MAGI2: variants seen among roughly 807,000 people sequenced by gnomAD.
The protein encoded by MAGI2 is membrane associated guanylate kinase, WW and PDZ domain containing 2.
Under a neutral mutation model 133.3 loss-of-function variants are expected in MAGI2, and 35 were observed. The observed-to-expected ratio is 0.26, with a 90% CI of 0.20 to 0.35. The LOEUF (loss-of-function observed/expected upper bound fraction) is 0.35. Among genes scored for constraint, MAGI2 ranks in the 10% least tolerant of loss-of-function variants. The pLI is 1.00. For synonymous variants in MAGI2, 729 were observed against 710.6 expected (o/e 1.03, Z -0.41); for missense variants, 1,636 against 1,863.4 (o/e 0.88, Z 2.25).
chr7:78,855,715 A>T (rs536084592), intron 2 of MAGI2, among the ~76,000 whole-genome samples: 9 of 152,312 alleles, frequency 5.9e-5, no homozygotes, highest in Non-Finnish European at 8.8e-5. Context: ...CAATAAACAT[A>T]CATGTGCATG....
chr7:79,282,965 C>G (rs1414781352), intron 1 of MAGI2, among the ~76,000 whole-genome samples: 1 of 152,084 alleles, frequency 6.6e-6, no homozygotes, highest in Non-Finnish European at 1.5e-5. Context: ...TAGGTTACTG[C>G]ACTCTAAGAG....
intron 2 of MAGI2, among the ~76,000 whole-genome samples, chr7:78,650,907 A>T (rs992450303): frequency 1.3e-5 from 2 of 152,176 alleles, no homozygotes. Context: ...ATCCGAACAG[A>T]TAGTGTCACC....
At chr7:79,337,971 G>T (rs993937462) in intron 1 of MAGI2, among the ~76,000 whole-genome samples, 27 of 152,150 alleles carry the variant, frequency 1.8e-4, no homozygotes, top group African/African-American at 6.3e-4. Context: ...CCTATTTTTA[G>T]GACAAGTGAT....
chr7:79,220,896 A>T (rs2129553436), intron 1 of MAGI2, among the ~76,000 whole-genome samples: 1 of 152,128 alleles, frequency 6.6e-6, no homozygotes, highest in Middle Eastern at 3.4e-3. Flanking sequence ...AAAAAGACTC[A>T]CCTGAAGAGA....
intron 2 of MAGI2, among the ~76,000 whole-genome samples, chr7:78,847,036 T>G (rs766055410): frequency 2.6e-5 from 4 of 151,990 alleles, no homozygotes; most frequent in Non-Finnish European, 5.9e-5. Flanking sequence ...TTCTGCTATT[T>G]ATAATTGACA....
intron 2 of MAGI2, among the ~76,000 whole-genome samples, chr7:78,660,814 C>T (rs1022463359): frequency 6.6e-6 from 1 of 152,156 alleles, no homozygotes; most frequent in Non-Finnish European, 1.5e-5. Flanking sequence ...TATATGTAGA[C>T]ATATTTTAAA....
At chr7:78,577,094 A>G (rs1802345053) in intron 3 of MAGI2, among the ~76,000 whole-genome samples, 1 of 152,188 alleles carries the variant, frequency 6.6e-6, no homozygotes, top group Non-Finnish European at 1.5e-5. Context: ...CGTGCTTTCT[A>G]CATAATAGAT....
At chr7:78,222,646 C>A (rs757832826) in intron 10 of MAGI2, among the ~76,000 whole-genome samples, 1 of 152,098 alleles carries the variant, frequency 6.6e-6, no homozygotes, top group Non-Finnish European at 1.5e-5. Flanking sequence ...TTGAAAATGG[C>A]CAAGTGTGAA....
intron 13 of MAGI2, among the ~76,000 whole-genome samples, chr7:78,182,950 C>T (rs919386482): frequency 1.3e-5 from 2 of 152,186 alleles, no homozygotes; most frequent in African/African-American, 2.4e-5. Context: ...TATGCACAGT[C>T]TGTAGGAGTT....
At chr7:79,269,526 C>T (rs908245359) in intron 1 of MAGI2, among the ~76,000 whole-genome samples, 2 of 152,134 alleles carry the variant, frequency 1.3e-5, no homozygotes, top group African/African-American at 2.4e-5. Flanking sequence ...ATACTTCAGG[C>T]TTATCACCTT....
At chr7:78,804,884 A>G (rs1401436770) in intron 2 of MAGI2, among the ~76,000 whole-genome samples, 4 of 151,640 alleles carry the variant, frequency 2.6e-5, no homozygotes, top group East Asian at 1.9e-4. Context: ...TCTGGCCAAC[A>G]TGGCAAAACC....
At chr7:79,270,021 T>C (rs1245020021) in intron 1 of MAGI2, among the ~76,000 whole-genome samples, 1 of 152,114 alleles carries the variant, frequency 6.6e-6, no homozygotes, top group Non-Finnish European at 1.5e-5. Flanking sequence ...ACTTAAGACT[T>C]TTTTAGAGAT....
intron 2 of MAGI2, among the ~76,000 whole-genome samples, chr7:78,871,536 G>A (rs894225598): frequency 6.6e-6 from 1 of 151,944 alleles, no homozygotes; most frequent in Non-Finnish European, 1.5e-5. Flanking sequence ...CTGATTATTG[G>A]TTTTAAAGAT....
chr7:78,028,264 A>T (rs981381825), intron 21 of MAGI2, among the ~76,000 whole-genome samples: 5 of 152,246 alleles, frequency 3.3e-5, no homozygotes, highest in Admixed American at 3.3e-4. Context: ...TGTTTCACTT[A>T]TATTACCAGA....
At chr7:78,912,767 C>CATATATATATCATTCATAT (rs1798501414) in intron 2 of MAGI2, among the ~76,000 whole-genome samples, 1 of 143,974 alleles carries the variant, frequency 6.9e-6, no homozygotes, top group African/African-American at 2.6e-5. Flanking sequence ...ATATATCATT[C>CATATATATATCATTCATAT]ATATATATAT....
chr7:79,125,847 A>C, intron 1 of MAGI2: 7 of 473,890 alleles, frequency 1.5e-5, no homozygotes, highest in South Asian at 1.1e-4. Flanking sequence ...AGCTTAGCAG[A>C]AGAGGAGAGC....
At chr7:78,604,865 A>G (rs1805632223) in intron 3 of MAGI2, among the ~76,000 whole-genome samples, 1 of 152,210 alleles carries the variant, frequency 6.6e-6, no homozygotes, top group African/African-American at 2.4e-5. Context: ...CTATTTTCTT[A>G]ATATCTATTC....
chr7:78,805,065 CA>C (rs1211591367), intron 2 of MAGI2, among the ~76,000 whole-genome samples: 10 of 144,578 alleles, frequency 6.9e-5, no homozygotes, highest in East Asian at 4.0e-4. Context: ...GACTCTGTCT[CA>C]AAAAAAAATA....
intron 7 of MAGI2, among the ~76,000 whole-genome samples, chr7:78,346,836 T>C (rs190252364): frequency 6.6e-6 from 1 of 152,198 alleles, no homozygotes; most frequent in African/African-American, 2.4e-5. Flanking sequence ...GATATAAACA[T>C]CCCATGAGAG....
Sources: gnomAD v4.1 joint callset for allele counts (sites outside exome capture counted in the v4.1 genomes callset) on GRCh38, gnomAD v4.1.1 for gene constraint, MANE v1.5 for transcripts, NCBI Gene and HGNC (gene_info 2026-07-23, HGNC 2026-07-21) for gene names.